The following CUL3 variants were observed in gnomAD, a reference collection of about 807,000 sequenced individuals.
CUL3 encodes the protein cullin-3.
In CUL3, 19 loss-of-function variants were observed where a neutral mutation model predicts 89.1. The ratio of observed to expected loss-of-function variants is 0.21; its 90% CI spans 0.15 to 0.31. CUL3 has a LOEUF of 0.31. CUL3 is among the 10% of genes least tolerant of loss of function. The pLI, the probability that CUL3 is intolerant of heterozygous loss-of-function variation, is 1.00. For missense variants in CUL3, 469 were observed against 942.3 expected, an observed-to-expected ratio of 0.50 and a Z score of 6.58; for synonymous variants, 351 against 308.4, an observed-to-expected ratio of 1.14 and a Z score of -1.45.
At chr2:224,482,256 C>T (rs1384068252) in intron 13 of CUL3, among the ~76,000 whole-genome samples, 178 bp from the exon 14 acceptor site, 3 of 151,932 alleles carry the variant, frequency 2.0e-5, no homozygotes, top group South Asian at 2.1e-4. Context: ...TTTGAACAAA[C>T]GAGAGGAAAG....
At chr2:224,542,984 C>A (rs1165750412) in intron 2 of CUL3, among the ~76,000 whole-genome samples, 1 of 152,152 alleles carries the variant, frequency 6.6e-6, no homozygotes, top group African/African-American at 2.4e-5. Context: ...ATAATGTGCA[C>A]AGTTCTCCCA....
At chr2:224,495,062 A>G (rs1306289218) in intron 13 of CUL3, 2 of 152,170 alleles carry the variant, frequency 1.3e-5, no homozygotes, top group Admixed American at 1.3e-4. Flanking sequence ...AAAAAGATAC[A>G]AACACTTCAC....
intron 14 of CUL3, among the ~76,000 whole-genome samples, chr2:224,480,325 T>C (rs937794610): frequency 6.6e-6 from 1 of 152,222 alleles, no homozygotes; most frequent in Non-Finnish European, 1.5e-5. Context: ...GTAAAACCAA[T>C]GTGGTCACAA....
At chr2:224,501,144 AAATTCTAGCAT>A (rs1692372177) in intron 10 of CUL3, among the ~76,000 whole-genome samples, 1 of 152,220 alleles carries the variant, frequency 6.6e-6, no homozygotes, top group African/African-American at 2.4e-5. Context: ...ATTTTAGAGA[AAATTCTAGCAT>A]AATATCCTTC....
intron 2 of CUL3, among the ~76,000 whole-genome samples, chr2:224,551,782 TACTG>T (rs772067707): frequency 6.6e-6 from 1 of 152,162 alleles, no homozygotes; most frequent in African/African-American, 2.4e-5. Flanking sequence ...AAAACAAAAA[TACTG>T]ACTATCTGGT....
At chr2:224,507,590 C>T (rs1357839981) in intron 6 of CUL3, among the ~76,000 whole-genome samples, 4 of 152,144 alleles carry the variant, frequency 2.6e-5, no homozygotes, top group African/African-American at 9.7e-5. Context: ...ATAAATACCA[C>T]TTCTTCAATA....
At chr2:224,489,732 G>A (rs1262420276) in intron 13 of CUL3, among the ~76,000 whole-genome samples, 3 of 152,022 alleles carry the variant, frequency 2.0e-5, no homozygotes, top group East Asian at 1.9e-4. Flanking sequence ...CTACTCATAA[G>A]ACCCAAAACC....
At position 224,585,130 on chromosome 2, in the gene CUL3, A is replaced by T. The variant is rs2106331592; in HGVS notation, c.-121T>A. The T allele has an allele frequency of 1.6e-6, 1 of 621,630 alleles. No homozygotes were observed. The highest frequency in any genetic ancestry group is 2.2e-6 in the Non-Finnish European group (1 of 465,078). 38.5% of individuals were successfully genotyped at this position (621,630 alleles called of 1,614,324 possible). A position where few individuals can be genotyped will look rare whatever the true frequency, so the allele number is the denominator to read the frequency against. On this transcript the variant is annotated 5_prime_UTR_variant, in exon 1 of 16. Coordinates refer to ENST00000264414, the MANE Select transcript of CUL3 (RefSeq NM_003590.5). Reference sequence around the variant, plus strand: ...GGCGGCGGCGGCGCGACCCCCGGGCAGGGCTGGGGAGCTGGCCGGCCCCTG... The same window carrying T: ...GGCGGCGGCGGCGCGACCCCCGGGCTGGGCTGGGGAGCTGGCCGGCCCCTG...
intron 2 of CUL3, among the ~76,000 whole-genome samples, chr2:224,535,994 C>T (rs1693885211): frequency 6.6e-6 from 1 of 152,124 alleles, no homozygotes; most frequent in African/African-American, 2.4e-5. Flanking sequence ...CCTACTACAC[C>T]TTCCCTTCCC....
intron 2 of CUL3, among the ~76,000 whole-genome samples, chr2:224,536,471 T>A (rs1390071975): frequency 6.6e-6 from 1 of 152,226 alleles, no homozygotes; most frequent in Non-Finnish European, 1.5e-5. Context: ...TATTTGTTTA[T>A]TGTTTCTTCC....
Position 224,510,439 on chromosome 2 carries a change from T to C in CUL3, c.883+915A>G, listed in dbSNP as rs1398019218. Among the ~76,000 whole-genome samples the C allele has an allele frequency of 3.3e-5, 5 of 152,196 alleles. No individual in the cohort carries two copies. The East Asian group carries it at 9.6e-4, about 29-fold the overall frequency. On this transcript the variant is annotated intron_variant, in intron 6 of 15. Coordinates refer to ENST00000264414, the MANE Select transcript of CUL3 (RefSeq NM_003590.5). ...AACTTCCCACCAGCTTTCGTTTTCC[T>C]TTCTCTTGTATCCTCCTTCTCTTTA...
At chr2:224,550,037 A>T (rs1694453928) in intron 2 of CUL3, among the ~76,000 whole-genome samples, 2 of 152,118 alleles carry the variant, frequency 1.3e-5, no homozygotes, top group South Asian at 4.1e-4. Context: ...CTGAACACGA[A>T]GTGTTTAAAT....
Position 224,503,563 on chromosome 2 carries a change from T to A in CUL3, c.1377+89A>T, listed in dbSNP as rs1000938163. ...TTCTAGAAATAAACACTTAATAATC[T>A]ACCAAATTAATTTCCAATCACGTTG... is the stretch of plus-strand genomic sequence containing the variant. On this transcript the variant is annotated intron_variant, in intron 9 of 15. Transcript: ENST00000264414. 18 of 1,091,944 alleles carry A rather than the reference T, an allele frequency of 1.6e-5. No homozygotes were observed. The African/African-American group carries it at 1.7e-4, about 11-fold the overall frequency. 67.6% of individuals were successfully genotyped at this position (1,091,944 alleles called of 1,614,324 possible). A position where few individuals can be genotyped will look rare whatever the true frequency, so the allele number is the denominator to read the frequency against.
chr2:224,476,685 G>C (rs1402425629), intron 15 of CUL3, among the ~76,000 whole-genome samples: 1 of 152,132 alleles, frequency 6.6e-6, no homozygotes, highest in Non-Finnish European at 1.5e-5. Flanking sequence ...ATCTGTGTCA[G>C]TACACTACCA....
At chr2:224,546,763 T>C (rs1468073161) in intron 2 of CUL3, among the ~76,000 whole-genome samples, 3 of 152,130 alleles carry the variant, frequency 2.0e-5, no homozygotes, top group Non-Finnish European at 2.9e-5. Flanking sequence ...ACAACACTTT[T>C]AAGCCTCCTC....
At chr2:224,573,275 CT>C (rs1695224951) in intron 1 of CUL3, among the ~76,000 whole-genome samples, 1 of 152,054 alleles carries the variant, frequency 6.6e-6, no homozygotes, top group South Asian at 2.1e-4. Flanking sequence ...ACTTAAATTT[CT>C]ATTAACCAAA....
chr2:224,491,259 T>G (rs1691965192), intron 13 of CUL3, among the ~76,000 whole-genome samples: 1 of 152,222 alleles, frequency 6.6e-6, no homozygotes, highest in Non-Finnish European at 1.5e-5. Flanking sequence ...TTCTCCCATT[T>G]GGGTACATTT....
intron 1 of CUL3, chr2:224,569,694 T>C: frequency 8.4e-7 from 1 of 1,196,812 alleles, no homozygotes; most frequent in Non-Finnish European, 1.1e-6. Flanking sequence ...CTTACACATC[T>C]TGAAGGTTCT....
chr2:224,572,322 G>A (rs1695198348), intron 1 of CUL3, among the ~76,000 whole-genome samples: 6 of 152,014 alleles, frequency 3.9e-5, no homozygotes, highest in South Asian at 2.1e-4. Flanking sequence ...AATTCATGTT[G>A]AAATTTAATC....
Sources: gnomAD v4.1 joint callset for allele counts (sites outside exome capture counted in the v4.1 genomes callset) on GRCh38, gnomAD v4.1.1 for gene constraint, MANE v1.5 for transcripts, NCBI Gene and HGNC (gene_info 2026-07-23, HGNC 2026-07-21) for gene names.